Variants in OPCML observed in about 807,000 individuals in gnomAD.
OPCML encodes opioid-binding protein/cell adhesion molecule.
A neutral mutation model predicts 37.8 loss-of-function variants in OPCML; 13 were observed. That is an observed-to-expected ratio of 0.34 (90% CI 0.22 to 0.55). OPCML has a LOEUF of 0.55. Among genes scored for constraint, OPCML ranks in the 20% least tolerant of loss-of-function variants. OPCML has a pLI of 0.91. For synonymous variants in OPCML, 176 were observed against 168.8 expected (o/e 1.04, Z -0.33); for missense variants, 341 against 435.6 (o/e 0.78, Z 1.93).
chr11:133,507,479 G>C (rs1364822564), intron 1 of OPCML, among the ~76,000 whole-genome samples: 1 of 152,228 alleles, frequency 6.6e-6, no homozygotes, highest in Non-Finnish European at 1.5e-5. Flanking sequence ...CACACAGCCA[G>C]TGATGCTTGC....
chr11:133,343,678 A>G (rs1181112606), intron 1 of OPCML, among the ~76,000 whole-genome samples: 2 of 152,206 alleles, frequency 1.3e-5, no homozygotes, highest in Non-Finnish European at 2.9e-5. Flanking sequence ...ATTTCTTTTC[A>G]GCTGTCTACC....
intron 2 of OPCML, among the ~76,000 whole-genome samples, chr11:132,749,396 A>C (rs145262348): frequency 4.8e-4 from 73 of 152,322 alleles, no homozygotes; most frequent in African/African-American, 1.6e-3. Flanking sequence ...TTGTCATCCA[A>C]GACGATAGGA....
chr11:133,312,836 A>C (rs756638128), intron 1 of OPCML, among the ~76,000 whole-genome samples: 6 of 152,244 alleles, frequency 3.9e-5, no homozygotes, highest in Non-Finnish European at 8.8e-5. Context: ...AACTTCTTTA[A>C]GCCTCAGTTT....
intron 4 of OPCML, among the ~76,000 whole-genome samples, chr11:132,494,613 A>G (rs974101930): frequency 3.9e-5 from 6 of 152,208 alleles, no homozygotes; most frequent in Non-Finnish European, 1.5e-5. Flanking sequence ...TTCAGTCATC[A>G]GAAGGAAAAA....
intron 2 of OPCML, among the ~76,000 whole-genome samples, chr11:132,811,385 A>G (rs1010037636): frequency 6.6e-6 from 1 of 152,100 alleles, no homozygotes; most frequent in Non-Finnish European, 1.5e-5. Context: ...GGAGTTAACA[A>G]TATAACTCAA....
rs572206757 is a variant in OPCML, at chr11:132,767,611, G to A, written c.147-110292C>T. The stretch of plus-strand genomic sequence containing the variant: ...CTCTGGCTTACCCAGGTGCTCATGC[G>A]TTTACTAGTTGAGCCATATGCTTAC... On this transcript the variant is annotated intron_variant, in intron 2 of 7. Coordinates refer to ENST00000524381, the MANE Select transcript of OPCML (RefSeq NM_001012393.5). 6.6e-5 allele frequency among the ~76,000 whole-genome samples: 10 copies of A among 152,226 alleles called. No homozygotes were observed. The East Asian group carries it at 1.5e-3, about 24-fold the overall frequency.
intron 1 of OPCML, among the ~76,000 whole-genome samples, chr11:133,369,581 T>C (rs1944627779): frequency 6.6e-6 from 1 of 152,320 alleles, no homozygotes; most frequent in Non-Finnish European, 1.5e-5. Flanking sequence ...CATAAGATAT[T>C]GTCACAAAGT....
At chr11:133,528,651 T>A (rs972179288) in intron 1 of OPCML, among the ~76,000 whole-genome samples, 2 of 152,254 alleles carry the variant, frequency 1.3e-5, no homozygotes, top group South Asian at 4.1e-4. Flanking sequence ...GAAGGAAGAA[T>A]CCTAAACCTC....
intron 1 of OPCML, among the ~76,000 whole-genome samples, chr11:132,985,786 A>C (rs1461374159): frequency 6.6e-6 from 1 of 152,176 alleles, no homozygotes; most frequent in Non-Finnish European, 1.5e-5. Context: ...CCGTATTTTC[A>C]AATCTGCTTT....
chr11:133,198,295 GT>G (rs1437054839), intron 1 of OPCML, among the ~76,000 whole-genome samples: 1 of 152,218 alleles, frequency 6.6e-6, no homozygotes, highest in Non-Finnish European at 1.5e-5. Context: ...GAGTTTTGTA[GT>G]TTTCTCACAG....
chr11:132,788,982 C>G (rs1334874084), intron 2 of OPCML, among the ~76,000 whole-genome samples: 1 of 152,186 alleles, frequency 6.6e-6, no homozygotes, highest in Non-Finnish European at 1.5e-5. Flanking sequence ...TCTCTAGTAT[C>G]AGCTTCAGAC....
chr11:132,689,863 AAAAGAAGTTAAC>A (rs1351522377), intron 2 of OPCML, among the ~76,000 whole-genome samples: 4 of 152,240 alleles, frequency 2.6e-5, no homozygotes, highest in Non-Finnish European at 5.9e-5. Flanking sequence ...ACCTTCTTTA[AAAAGAAGTTAAC>A]AAAGAATTAA....
chr11:132,912,521 TTAAA>T lies in OPCML; in HGVS notation c.146+30401_146+30404del, dbSNP rs369568227. On this transcript the variant is annotated intron_variant, in intron 2 of 7. Coordinates refer to ENST00000524381, the MANE Select transcript of OPCML (RefSeq NM_001012393.5). ...TTTATGAAGCACTTCATGCAACTAG[TTAAA>T]TAAACATTTGGAAACCTGCAATCTA... Among the ~76,000 whole-genome samples, 4 of 152,290 alleles carry T rather than the reference TTAAA, an allele frequency of 2.6e-5. No individual in the cohort carries two copies. In the East Asian group the frequency reaches 7.7e-4, roughly 29 times the overall value.
In OPCML at chr11:133,050,720, C is replaced by CT. The variant is rs71038515; in HGVS notation, c.62-107711dup. On this transcript the variant is annotated intron_variant, in intron 1 of 7. Transcript: ENST00000524381. ...GTCTACCAGTTTCTTCTTCTTCTTC[C>CT]TTTTTTTTTTTTTTCAGTGCATTTT... is the stretch of plus-strand genomic sequence containing the variant. 4.0e-4 allele frequency among the ~76,000 whole-genome samples: 58 copies of CT among 144,088 alleles called. 1 individual carries two copies. The highest frequency in any genetic ancestry group is 8.9e-4 in the South Asian group (4 of 4,508). 94.5% of individuals were successfully genotyped at this position (144,088 alleles called of 152,430 possible). A position where few individuals can be genotyped will look rare whatever the true frequency, so the allele number is the denominator to read the frequency against.
chr11:132,975,032 C>T (rs546149056), intron 1 of OPCML, among the ~76,000 whole-genome samples: 14 of 151,960 alleles, frequency 9.2e-5, no homozygotes, highest in African/African-American at 3.1e-4. Context: ...TATCCACCTG[C>T]TATTTTAGTA....
intron 3 of OPCML, among the ~76,000 whole-genome samples, chr11:132,556,074 G>A (rs552954960): frequency 7.9e-5 from 12 of 152,056 alleles, no homozygotes; most frequent in South Asian, 2.1e-4. Flanking sequence ...AAGTAGCTGC[G>A]TCTACAGGTG....
At chr11:133,171,713 CA>C in intron 1 of OPCML, among the ~76,000 whole-genome samples, 1 of 152,290 alleles carries the variant, frequency 6.6e-6, no homozygotes, top group East Asian at 1.9e-4. Context: ...TCTGCTCTCC[CA>C]GGAGAAGAGA....
chr11:132,601,440 T>C (rs1395514590), intron 3 of OPCML, among the ~76,000 whole-genome samples: 1 of 152,204 alleles, frequency 6.6e-6, no homozygotes, highest in African/African-American at 2.4e-5. Flanking sequence ...AGAAATGCAC[T>C]CATTTGTCAA....
intron 1 of OPCML, among the ~76,000 whole-genome samples, chr11:133,084,069 T>A (rs1219314326): frequency 6.8e-6 from 1 of 146,554 alleles, no homozygotes; most frequent in African/African-American, 2.6e-5. Flanking sequence ...TCTCTTGACA[T>A]TTTTTTTTTA....
Sources: gnomAD v4.1 joint callset for allele counts (sites outside exome capture counted in the v4.1 genomes callset) on GRCh38, gnomAD v4.1.1 for gene constraint, MANE v1.5 for transcripts, NCBI Gene and HGNC (gene_info 2026-07-23, HGNC 2026-07-21) for gene names.